Variants in GRM8 observed in about 807,000 individuals in gnomAD.
GRM8 encodes metabotropic glutamate receptor 8.
A neutral mutation model predicts 87.2 loss-of-function variants in GRM8; 47 were observed. That is an observed-to-expected ratio of 0.54 (90% CI 0.43 to 0.69). The LOEUF (loss-of-function observed/expected upper bound fraction) is 0.69. GRM8 is among the 30% of genes least tolerant of loss of function. GRM8 has a pLI of 0.00. For synonymous variants in GRM8, 396 were observed against 404.5 expected (o/e 0.98, Z 0.25); for missense variants, 1,019 against 1,139.2 (o/e 0.89, Z 1.52).
chr7:127,035,471 A>T (rs1446570525), intron 3 of GRM8, among the ~76,000 whole-genome samples: 1 of 152,130 alleles, frequency 6.6e-6, no homozygotes, highest in East Asian at 1.9e-4. Flanking sequence ...GCTCTCCCAC[A>T]TCCGCTTCAG....
Position 126,704,899 on chromosome 7 carries a change from C to A in GRM8, c.1357+64966G>T, listed in dbSNP as rs191781423. On this transcript the variant is annotated intron_variant, in intron 7 of 10. Transcript: ENST00000339582. Reference sequence around the variant, plus strand: ...TGGTCCTGTGATCTCGCCCTGCCTCCATTTGCCTTGTGATAGTCTATTACC... The same window carrying A: ...TGGTCCTGTGATCTCGCCCTGCCTCAATTTGCCTTGTGATAGTCTATTACC... 2.8e-3 allele frequency among the ~76,000 whole-genome samples: 428 copies of A among 152,272 alleles called. 7 individuals carry two copies. Among genetic ancestry groups the A allele is most frequent in the African/African-American group, 9.8e-3 (407 of 41,552 alleles).
intron 2 of GRM8, among the ~76,000 whole-genome samples, chr7:127,188,720 C>G (rs1794867839): frequency 1.3e-5 from 2 of 152,168 alleles, no homozygotes; most frequent in South Asian, 2.1e-4. Flanking sequence ...AAATAGCAAG[C>G]AAAGCTTGTT....
At chr7:126,676,709 A>G (rs543456060) in intron 7 of GRM8, among the ~76,000 whole-genome samples, 1 of 152,324 alleles carries the variant, frequency 6.6e-6, no homozygotes, top group East Asian at 1.9e-4. Context: ...CTCTCACTAC[A>G]TATAAAAATT....
chr7:126,924,889 G>A (rs1278935098), intron 3 of GRM8, among the ~76,000 whole-genome samples: 1 of 152,066 alleles, frequency 6.6e-6, no homozygotes, highest in Non-Finnish European at 1.5e-5. Flanking sequence ...AATACTCCAG[G>A]AAAACAAGTC....
chr7:126,617,891 TG>T (rs1406817393), intron 7 of GRM8, among the ~76,000 whole-genome samples: 1 of 152,126 alleles, frequency 6.6e-6, no homozygotes, highest in Non-Finnish European at 1.5e-5. Context: ...TACAAACAAA[TG>T]GAAGAACATT....
At chr7:127,131,451 A>AT (rs919755762) in intron 2 of GRM8, among the ~76,000 whole-genome samples, 1 of 152,144 alleles carries the variant, frequency 6.6e-6, no homozygotes, top group African/African-American at 2.4e-5. Flanking sequence ...GCCTCAATCA[A>AT]TTTTTTAAAC....
chr7:127,005,119 CTTTT>C (rs10531563), intron 3 of GRM8, among the ~76,000 whole-genome samples: 115 of 136,356 alleles, frequency 8.4e-4, no homozygotes, highest in Middle Eastern at 3.9e-3. Flanking sequence ...CTGCTAGGAA[CTTTT>C]TTTTTTTTTT....
intron 7 of GRM8, among the ~76,000 whole-genome samples, chr7:126,705,327 T>C (rs1810380939): frequency 6.6e-6 from 1 of 152,194 alleles, no homozygotes; most frequent in Non-Finnish European, 1.5e-5. Flanking sequence ...ACAAACTTGC[T>C]AAGCCCATTA....
intron 6 of GRM8, among the ~76,000 whole-genome samples, chr7:126,781,912 C>T (rs1471352624): frequency 2.0e-5 from 3 of 151,920 alleles, no homozygotes; most frequent in Non-Finnish European, 4.4e-5. Flanking sequence ...GATGGGGTCT[C>T]CTCATATTTC....
chr7:126,696,479 G>A (rs1042153376), intron 7 of GRM8, among the ~76,000 whole-genome samples: 3 of 152,042 alleles, frequency 2.0e-5, no homozygotes, highest in Admixed American at 6.6e-5. Flanking sequence ...GAGAACATGC[G>A]GTCTTTGATT....
At chr7:127,197,810 C>T (rs1795368939) in intron 2 of GRM8, among the ~76,000 whole-genome samples, 1 of 152,146 alleles carries the variant, frequency 6.6e-6, no homozygotes, top group Admixed American at 6.5e-5. Flanking sequence ...GCATCTACTA[C>T]TAAATGATGT....
intron 7 of GRM8, among the ~76,000 whole-genome samples, chr7:126,756,982 G>T (rs1156325585): frequency 1.3e-5 from 2 of 152,042 alleles, no homozygotes; most frequent in Non-Finnish European, 2.9e-5. Flanking sequence ...TATGGGTATT[G>T]TACTAAAATG....
chr7:127,132,743 C>T (rs1039559121), intron 2 of GRM8, among the ~76,000 whole-genome samples: 1 of 151,986 alleles, frequency 6.6e-6, no homozygotes, highest in African/African-American at 2.4e-5. Context: ...AGGGGAAGAG[C>T]TGATGTAATT....
chr7:127,210,427 T>C (rs1796146530), intron 2 of GRM8, among the ~76,000 whole-genome samples: 1 of 152,196 alleles, frequency 6.6e-6, no homozygotes, highest in Admixed American at 6.5e-5. Flanking sequence ...TCCACGCCTG[T>C]GAAACACCAA....
intron 6 of GRM8, among the ~76,000 whole-genome samples, chr7:126,852,226 T>C (rs1325686000): frequency 6.6e-6 from 1 of 152,192 alleles, no homozygotes; most frequent in African/African-American, 2.4e-5. Flanking sequence ...TCTATGTGCC[T>C]GTTTCTGTGT....
chr7:126,594,749 T>A (rs1297586715), intron 8 of GRM8, among the ~76,000 whole-genome samples: 7 of 152,146 alleles, frequency 4.6e-5, no homozygotes, highest in Admixed American at 3.3e-4. Context: ...AAATCATGAC[T>A]ATGTGAGGTA....
At chr7:126,793,070 T>C (rs1286206109) in intron 6 of GRM8, among the ~76,000 whole-genome samples, 1 of 152,090 alleles carries the variant, frequency 6.6e-6, no homozygotes, top group African/African-American at 2.4e-5. Flanking sequence ...CAGAAAAGAG[T>C]TGGAAGAATG....
chr7:126,562,596 T>TA (rs1793822250), intron 8 of GRM8, among the ~76,000 whole-genome samples: 1 of 152,192 alleles, frequency 6.6e-6, no homozygotes, highest in African/African-American at 2.4e-5. Flanking sequence ...CAATTTATTT[T>TA]AAAAATAAGC....
chr7:126,850,585 G>A (rs1334457409), intron 6 of GRM8, among the ~76,000 whole-genome samples: 3 of 152,164 alleles, frequency 2.0e-5, no homozygotes, highest in African/African-American at 7.2e-5. Flanking sequence ...AGAGTCCAAG[G>A]AAGGGAAGTT....
Sources: gnomAD v4.1 joint callset for allele counts (sites outside exome capture counted in the v4.1 genomes callset) on GRCh38, gnomAD v4.1.1 for gene constraint, MANE v1.5 for transcripts, NCBI Gene and HGNC (gene_info 2026-07-23, HGNC 2026-07-21) for gene names.